The following PRDM5 variants were observed in gnomAD, a reference collection of about 807,000 sequenced individuals.
PRDM5 encodes PR domain zinc finger protein 5.
Under a neutral mutation model 81.2 loss-of-function variants are expected in PRDM5, and 56 were observed. The ratio of observed to expected loss-of-function variants is 0.69; its 90% CI spans 0.56 to 0.86. The LOEUF (loss-of-function observed/expected upper bound fraction) is 0.86. PRDM5 is among the 40% of genes least tolerant of loss of function. The pLI is 0.00. For synonymous variants in PRDM5, 267 were observed against 256.4 expected (o/e 1.04, Z -0.39); for missense variants, 697 against 770.1 (o/e 0.91, Z 1.12).
intron 14 of PRDM5, among the ~76,000 whole-genome samples, chr4:120,717,402 G>A (rs1206519694): frequency 6.6e-6 from 1 of 152,178 alleles, no homozygotes; most frequent in African/African-American, 2.4e-5. Context: ...AGCTCTATGT[G>A]CTGCACCTTG....
At chr4:120,855,604 G>A (rs931297659) in intron 2 of PRDM5, among the ~76,000 whole-genome samples, 3 of 152,134 alleles carry the variant, frequency 2.0e-5, no homozygotes, top group Admixed American at 1.3e-4. Flanking sequence ...CATTTTTTTG[G>A]CAGAGTAAAC....
chr4:120,699,247 T>TGAA lies in PRDM5; in HGVS notation c.1729-3973_1729-3972insTTC, dbSNP rs1391331542. ...ATAATTTCCATTTTTGGCTTACTTC[T>TGAA]CATCACATATGATGATGTCATTATA... is the stretch of plus-strand genomic sequence containing the variant. On this transcript the variant is annotated intron_variant, in intron 15 of 15. Coordinates refer to ENST00000264808, the MANE Select transcript of PRDM5 (RefSeq NM_018699.4). 1.3e-3 allele frequency among the ~76,000 whole-genome samples: 191 copies of TGAA among 146,516 alleles called. 1 individual carries two copies. The highest frequency in any genetic ancestry group is 4.7e-3 in the African/African-American group (187 of 40,016).
intron 14 of PRDM5, among the ~76,000 whole-genome samples, chr4:120,730,774 G>C (rs2149083151): frequency 6.9e-6 from 1 of 145,112 alleles, no homozygotes; most frequent in South Asian, 2.3e-4. Flanking sequence ...GCAACAATCA[G>C]CTTCAATGCT....
In PRDM5 at chr4:120,907,003, T is replaced by TAAAA. The variant is rs3086696; in HGVS notation, c.177+467_177+470dup. 3.4e-3 allele frequency among the ~76,000 whole-genome samples: 375 copies of TAAAA among 111,786 alleles called. 1 individual carries two copies. Among genetic ancestry groups the TAAAA allele is most frequent in the African/African-American group, 0.011 (315 of 29,866 alleles). 73.3% of individuals were successfully genotyped at this position (111,786 alleles called of 152,430 possible). On this transcript the variant is annotated intron_variant, in intron 2 of 15. Transcript: ENST00000264808. Reference sequence around the variant, plus strand: ...AGATATCTCAACAGTCCACTTTCTCTAAAAAAAAAAAAAAAAAAGCTGAAC... The same window carrying TAAAA: ...AGATATCTCAACAGTCCACTTTCTCTAAAAAAAAAAAAAAAAAAAAAAGCTGAAC...
intron 14 of PRDM5, among the ~76,000 whole-genome samples, chr4:120,728,322 G>A (rs760498661): frequency 3.9e-5 from 6 of 151,984 alleles, no homozygotes; most frequent in Non-Finnish European, 5.9e-5. Context: ...TAAATAAATA[G>A]CATTTGGTGA....
intron 3 of PRDM5, among the ~76,000 whole-genome samples, chr4:120,836,497 C>T (rs1055265660): frequency 6.6e-6 from 1 of 152,164 alleles, no homozygotes; most frequent in African/African-American, 2.4e-5. Flanking sequence ...CCCTCAATTC[C>T]AAATGACTTT....
chr4:120,741,596 C>G (rs1047831979), intron 14 of PRDM5, among the ~76,000 whole-genome samples: 1 of 151,992 alleles, frequency 6.6e-6, no homozygotes, highest in Non-Finnish European at 1.5e-5. Context: ...GAAGCAGGGC[C>G]AGGCATTGCC....
At chr4:120,721,417 A>C (rs1334645699) in intron 14 of PRDM5, among the ~76,000 whole-genome samples, 1 of 152,162 alleles carries the variant, frequency 6.6e-6, no homozygotes, top group Non-Finnish European at 1.5e-5. Context: ...TCTAATGCGC[A>C]ACCAGAAGTG....
At chr4:120,687,787 T>C (rs1021811055), downstream of PRDM5, among the ~76,000 whole-genome samples, 1 of 152,170 alleles carries the variant, frequency 6.6e-6, no homozygotes, top group Non-Finnish European at 1.5e-5. Context: ...ATAGTTTCCT[T>C]ATAAAAGGAT....
At chr4:120,760,791 G>T (rs146873949) in intron 13 of PRDM5, among the ~76,000 whole-genome samples, 1 of 151,744 alleles carries the variant, frequency 6.6e-6, no homozygotes, top group Non-Finnish European at 1.5e-5. Flanking sequence ...TACTGTCCTG[G>T]GCTTTGAGAA....
At chr4:120,698,195 T>C (rs1734802951) in intron 15 of PRDM5, among the ~76,000 whole-genome samples, 1 of 152,224 alleles carries the variant, frequency 6.6e-6, no homozygotes, top group South Asian at 2.1e-4. Flanking sequence ...ATCAGACTTC[T>C]GCCTTGGACT....
At chr4:120,725,807 A>G (rs2149071068) in intron 14 of PRDM5, among the ~76,000 whole-genome samples, 1 of 152,278 alleles carries the variant, frequency 6.6e-6, no homozygotes, top group Admixed American at 6.5e-5. Flanking sequence ...GACACACTGT[A>G]TGTGTCAGCC....
chr4:120,747,226 T>C (rs922483366), intron 14 of PRDM5, among the ~76,000 whole-genome samples: 24 of 145,528 alleles, frequency 1.6e-4, no homozygotes, highest in Non-Finnish European at 2.4e-4. Context: ...TAGGTGGGAA[T>C]TGAACAATGA....
intron 13 of PRDM5, among the ~76,000 whole-genome samples, chr4:120,765,290 G>T (rs1746216192): frequency 1.3e-5 from 2 of 152,154 alleles, no homozygotes; most frequent in South Asian, 4.1e-4. Flanking sequence ...GAACAGAAGG[G>T]CCTACACAGT....
rs1491090180 is a variant in PRDM5, at chr4:120,706,092, T to TG, written c.1728+4216_1728+4217insC. Among the ~76,000 whole-genome samples, 7 of 126,980 alleles carry TG rather than the reference T, an allele frequency of 5.5e-5. No individual in the cohort carries two copies. In the South Asian group the frequency reaches 1.4e-3, roughly 25 times the overall value. 83.3% of individuals were successfully genotyped at this position (126,980 alleles called of 152,430 possible). On this transcript the variant is annotated intron_variant, in intron 15 of 15. Coordinates refer to ENST00000264808, the MANE Select transcript of PRDM5 (RefSeq NM_018699.4). ...TGGGTTTTGATCCTAGATCTTTTTTTTTTTTTTTTTCTTTTTGGAGACAAA... is the reference window on the plus strand; with the variant it reads ...TGGGTTTTGATCCTAGATCTTTTTTTGTTTTTTTTTTCTTTTTGGAGACAAA...
intron 13 of PRDM5, 25 bp from the exon 14 acceptor site, chr4:120,754,663 T>G (rs1228226519): frequency 6.7e-7 from 1 of 1,499,276 alleles, no homozygotes. Flanking sequence ...AGCCTCCATG[T>G]CAGAAAAACA....
At chr4:120,778,515 C>T (rs1285166302) in intron 12 of PRDM5, among the ~76,000 whole-genome samples, 1 of 151,954 alleles carries the variant, frequency 6.6e-6, no homozygotes, top group East Asian at 1.9e-4. Context: ...GACTTTGCAG[C>T]CTTATTATTT....
At chr4:120,787,049 A>C (rs1578731722) in intron 10 of PRDM5, among the ~76,000 whole-genome samples, 1 of 152,242 alleles carries the variant, frequency 6.6e-6, no homozygotes, top group Admixed American at 6.5e-5. Context: ...TAAACAAATG[A>C]AAAAGTATGT....
rs146785078 is a variant in PRDM5 at position 120,870,480 on chromosome 4, G to T, written c.178-16940C>A. ...GGAGGTGGGGGAACAGCCACCTAGT[G>T]GGGGGTGGGGGAAAAACCTCACCTG... On this transcript the variant is annotated intron_variant, in intron 2 of 15. Coordinates refer to ENST00000264808, the MANE Select transcript of PRDM5 (RefSeq NM_018699.4). 2.8e-3 allele frequency among the ~76,000 whole-genome samples: 432 copies of T among 152,166 alleles called. 2 individuals carry two copies. The highest frequency in any genetic ancestry group is 4.4e-3 in the Non-Finnish European group (300 of 68,010).
Sources: gnomAD v4.1 joint callset for allele counts (sites outside exome capture counted in the v4.1 genomes callset) on GRCh38, gnomAD v4.1.1 for gene constraint, MANE v1.5 for transcripts, NCBI Gene and HGNC (gene_info 2026-07-23, HGNC 2026-07-21) for gene names.